TRIM54: variants seen among roughly 807,000 people sequenced by gnomAD.
TRIM54 encodes tripartite motif-containing protein 54.
TRIM54 carries 40 observed loss-of-function variants against 42.0 expected under a neutral mutation model. The ratio of observed to expected loss-of-function variants is 0.95; its 90% CI spans 0.74 to 1.24. TRIM54 has a LOEUF of 1.24. Ranked by LOEUF, TRIM54 falls within the 50% of genes most tolerant of loss-of-function variation. The pLI is 0.00. For missense variants in TRIM54, 485 were observed against 480.3 expected, an observed-to-expected ratio of 1.01 and a Z score of -0.09; for synonymous variants, 199 against 194.9, an observed-to-expected ratio of 1.02 and a Z score of -0.17.
At chr2:27,294,506 G>A (rs1341201306) in intron 1 of TRIM54, among the ~76,000 whole-genome samples, 1 of 152,120 alleles carries the variant, frequency 6.6e-6, no homozygotes, top group Non-Finnish European at 1.5e-5. Flanking sequence ...TTCCAGTACT[G>A]GCTTTGCCAC....
At chr2:27,288,222 A>G (rs554409398) in intron 1 of TRIM54, among the ~76,000 whole-genome samples, 1 of 152,294 alleles carries the variant, frequency 6.6e-6, no homozygotes, top group East Asian at 1.9e-4. Context: ...TCCATCATTC[A>G]TCACTGGCCA....
intron 1 of TRIM54, among the ~76,000 whole-genome samples, chr2:27,289,375 G>A (rs1678659394): frequency 6.6e-6 from 1 of 152,144 alleles, no homozygotes; most frequent in Non-Finnish European, 1.5e-5. Flanking sequence ...GGAGTGCAAT[G>A]GCGTGATCTC....
chr2:27,299,260 GGCTGA>G lies in TRIM54; in HGVS notation c.360_364del (p.Glu121AlafsTer8). ...TCCTCTCTAGGCCGCTGCACTCCAA[GGCTGA>G]GCAGCACCTCATGTGCGAGGAGCAT... is the stretch of plus-strand genomic sequence containing the variant. On this transcript the variant is annotated frameshift_variant, in exon 3 of 9. Transcript: ENST00000380075. LOFTEE classifies it high-confidence loss of function. 6.2e-7 allele frequency: 1 copy of G among 1,613,976 alleles called. No individual in the cohort carries two copies. The highest frequency in any genetic ancestry group is 8.5e-7 in the Non-Finnish European group (1 of 1,180,028).
intron 3 of TRIM54, chr2:27,299,696 C>CTATCTATCTATT: frequency 1.6e-6 from 1 of 615,454 alleles, no homozygotes; most frequent in South Asian, 2.0e-5. Flanking sequence ...ATCTATCTAT[C>CTATCTATCTATT]TATCTATCTA....
In TRIM54 at chr2:27,286,710, G is replaced by A. The variant is rs145109075; in HGVS notation, c.168+3811G>A. 3.6e-3 allele frequency among the ~76,000 whole-genome samples: 550 copies of A among 152,344 alleles called. 2 individuals carry two copies. Among genetic ancestry groups the A allele is most frequent in the Non-Finnish European group, 4.4e-3 (296 of 68,026 alleles). ...TTGTTCTGGAACAGCTTTTCTGGAG[G>A]AGGTCTGTCTACAGAGGGACTTGCA... On this transcript the variant is annotated intron_variant, in intron 1 of 8. Coordinates refer to ENST00000380075, the MANE Select transcript of TRIM54 (RefSeq NM_187841.3).
chr2:27,305,153 G>A (rs973927905), intron 4 of TRIM54, 99 bp downstream of exon 4: 179 of 1,086,452 alleles, frequency 1.6e-4, no homozygotes, highest in Non-Finnish European at 2.3e-4. Context: ...CGCCAAACTG[G>A]TCTGAAAGTT....
At chr2:27,285,273 T>C (rs910421107) in intron 1 of TRIM54, among the ~76,000 whole-genome samples, 2 of 152,198 alleles carry the variant, frequency 1.3e-5, no homozygotes, top group Non-Finnish European at 2.9e-5. Flanking sequence ...TTTCGCACAT[T>C]GCCTCCACAT....
At chr2:27,295,689 T>C (rs1678849316) in intron 1 of TRIM54, among the ~76,000 whole-genome samples, 1 of 152,044 alleles carries the variant, frequency 6.6e-6, no homozygotes, top group African/African-American at 2.4e-5. Flanking sequence ...GGGATGGAGG[T>C]TGGGGAGAGC....
chr2:27,293,048 A>G (rs1342385562), intron 1 of TRIM54, among the ~76,000 whole-genome samples: 1 of 151,702 alleles, frequency 6.6e-6, no homozygotes, highest in Admixed American at 6.6e-5. Flanking sequence ...TGTTTTTGTT[A>G]TTTCTTTTAA....
intron 1 of TRIM54, among the ~76,000 whole-genome samples, chr2:27,296,592 T>G (rs914419062): frequency 3.3e-5 from 5 of 152,190 alleles, no homozygotes; most frequent in African/African-American, 9.6e-5. Flanking sequence ...CCATCCCGTC[T>G]TCTTTCCAGC....
At chr2:27,283,782 GCGCACACACACACACACACACACACACA>G (rs1678469096) in intron 1 of TRIM54, among the ~76,000 whole-genome samples, 1 of 86,322 alleles carries the variant, frequency 1.2e-5, no homozygotes, top group African/African-American at 4.9e-5. Flanking sequence ...ACACACACGC[GCGCACACACACACACACACACACACACA>G]CACACACACA....
At chr2:27,302,247 G>A (rs1302796595) in intron 3 of TRIM54, among the ~76,000 whole-genome samples, 2 of 149,938 alleles carry the variant, frequency 1.3e-5, no homozygotes, top group Non-Finnish European at 3.0e-5. Flanking sequence ...TCAGGAGATC[G>A]GGACCATCCT....
chr2:27,296,236 G>A (rs192913918), intron 1 of TRIM54, among the ~76,000 whole-genome samples: 257 of 152,312 alleles, frequency 1.7e-3, no homozygotes, highest in African/African-American at 6.0e-3. Flanking sequence ...CACGCAAGGG[G>A]CCTTCCAAAC....
At chr2:27,298,253 C>T (rs1338112351) in intron 1 of TRIM54, among the ~76,000 whole-genome samples, 1 of 152,160 alleles carries the variant, frequency 6.6e-6, no homozygotes, top group Non-Finnish European at 1.5e-5. Context: ...TTGCCAAGAC[C>T]AATGTCTCCC....
chr2:27,300,778 A>T (rs1482598087), intron 3 of TRIM54, among the ~76,000 whole-genome samples: 7 of 152,030 alleles, frequency 4.6e-5, no homozygotes, highest in Non-Finnish European at 8.8e-5. Flanking sequence ...AGGTGGGAGG[A>T]TCACTTGAGC....
chr2:27,300,119 G>C (rs1165506290), intron 3 of TRIM54, among the ~76,000 whole-genome samples: 1 of 152,134 alleles, frequency 6.6e-6, no homozygotes, highest in Non-Finnish European at 1.5e-5. Flanking sequence ...TGGAACTACA[G>C]GCATGTGCCA....
chr2:27,282,999 C>T (rs1473768255), intron 1 of TRIM54, 100 bp downstream of exon 1: 5 of 1,327,164 alleles, frequency 3.8e-6, no homozygotes, highest in Admixed American at 2.4e-5. Flanking sequence ...GGATAGAGTG[C>T]TCTCTGAGGT....
At chr2:27,301,549 C>T (rs1215792410) in intron 3 of TRIM54, among the ~76,000 whole-genome samples, 1 of 152,198 alleles carries the variant, frequency 6.6e-6, no homozygotes, top group African/African-American at 2.4e-5. Flanking sequence ...ATTGCCATGG[C>T]ATTAGTAAAC....
Position 27,283,355 on chromosome 2 carries a change from A to C in TRIM54, c.168+456A>C, listed in dbSNP as rs141136046. On this transcript the variant is annotated intron_variant, in intron 1 of 8. Transcript: ENST00000380075. ...GTGAGAAAGCTCCATAATGGCAGTAAAACTATTTGTATTTAAGGAAAGTTG... is the reference window on the plus strand; with the variant it reads ...GTGAGAAAGCTCCATAATGGCAGTACAACTATTTGTATTTAAGGAAAGTTG... 3.0e-3 allele frequency among the ~76,000 whole-genome samples: 463 copies of C among 152,286 alleles called. 1 individual carries two copies. Among genetic ancestry groups the C allele is most frequent in the African/African-American group, 0.01 (436 of 41,566 alleles).
Sources: gnomAD v4.1 joint callset for allele counts (sites outside exome capture counted in the v4.1 genomes callset) on GRCh38, gnomAD v4.1.1 for gene constraint, MANE v1.5 for transcripts, NCBI Gene and HGNC (gene_info 2026-07-23, HGNC 2026-07-21) for gene names.